The following ACIN1 variants were observed in gnomAD, a reference collection of about 807,000 sequenced individuals.
The protein encoded by ACIN1 is apoptotic chromatin condensation inducer 1, also known as apoptotic chromatin condensation inducer in the nucleus.
Under a neutral mutation model 146.6 loss-of-function variants are expected in ACIN1, and 16 were observed. The observed-to-expected ratio is 0.11, with a 90% CI of 0.07 to 0.17. ACIN1 has a LOEUF of 0.17. Ranked by LOEUF, ACIN1 falls within the 10% of genes least tolerant of loss-of-function variation. The pLI, the probability that ACIN1 is intolerant of heterozygous loss-of-function variation, is 1.00. For synonymous variants in ACIN1, 569 were observed against 582.7 expected (o/e 0.98, Z 0.34); for missense variants, 1,357 against 1,609.3 (o/e 0.84, Z 2.68).
upstream of ACIN1, chr14:23,095,216 T>A: frequency 1.2e-6 from 2 of 1,613,902 alleles, no homozygotes; most frequent in Non-Finnish European, 1.7e-6. Flanking sequence ...ACTGCCATAC[T>A]CTACCCCTCG....
chr14:23,094,221 T>G (rs1354089062), intron 1 of ACIN1, among the ~76,000 whole-genome samples: 1 of 152,094 alleles, frequency 6.6e-6, no homozygotes, highest in Non-Finnish European at 1.5e-5. Context: ...ACCTGCCACG[T>G]ATCCTGTTGA....
In ACIN1 at chr14:23,068,919, A is replaced by T. The variant is rs1030436253; in HGVS notation, c.2265+557T>A. 3.6e-5 allele frequency: 35 copies of T among 985,538 alleles called. No homozygotes were observed. The African/African-American group carries it at 5.2e-4, about 15-fold the overall frequency. The allele number at this position is 985,538 out of a possible 1,614,324, so 61.0% of individuals were successfully genotyped here. On this transcript the variant is annotated intron_variant, in intron 9 of 18. Coordinates refer to ENST00000605057, the MANE Select transcript of ACIN1 (RefSeq NM_001386863.1). The surrounding 1 kb of genome is among the most constrained non-coding windows in gnomAD (Gnocchi z 4.3). ...AAGTGGGTGCAGGACACAAGATAAC[A>T]TATGCCAAAAAAGGAGGTAGAGGGG...
rs760183453 is a variant in ACIN1 at position 23,059,157 on chromosome 14, C to CCCA, written c.3840_3842dup (p.Gly1281dup). On this transcript the variant is annotated inframe_insertion, in exon 19 of 19. Coordinates refer to ENST00000605057, the MANE Select transcript of ACIN1 (RefSeq NM_001386863.1). ...TCTAGTGTTTTCCCAGCTAGCGGCG[C>CCCA]CCACCCCGGTCCCGCACAGGTGTGC... 3 of 1,613,302 alleles carry CCCA rather than the reference C, an allele frequency of 1.9e-6. No homozygotes were observed. Among genetic ancestry groups the CCCA allele is most frequent in the Non-Finnish European group, 2.5e-6 (3 of 1,179,504 alleles).
chr14:23,095,236 C>G (rs765660590), upstream of ACIN1: 20 of 1,611,262 alleles, frequency 1.2e-5, no homozygotes, highest in African/African-American at 2.7e-5. Flanking sequence ...GATTACCACT[C>G]AGAACTCCCC....
chr14:23,080,172 G>A lies in ACIN1; in HGVS notation c.1163C>T (p.Pro388Leu), dbSNP rs753063259. Residue 388 changes from proline to leucine, a missense_variant, in exon 6 of 19, where the codon CCC becomes CTC. Physicochemically the swap from Pro to Leu is moderately conservative, Grantham distance 98 (BLOSUM62 -3). Coordinates refer to ENST00000605057, the MANE Select transcript of ACIN1 (RefSeq NM_001386863.1). ...EEIEPMEGPA[P>L]AVLIQLSPPN... ...AGGAGATAACTGAATGAGGACAGCG[G>A]GGGCTGGGCCTTCCATGGGCTCTAT... is the stretch of plus-strand genomic sequence containing the variant. 2 of 1,614,134 alleles carry A rather than the reference G, an allele frequency of 1.2e-6. No individual in the cohort carries two copies. Among genetic ancestry groups the A allele is most frequent in the South Asian group, 1.1e-5 (1 of 91,078 alleles).
Position 23,061,773 on chromosome 14 carries a change from A to T in ACIN1, c.3100-151T>A, listed in dbSNP as rs556090694. 80 of 683,374 alleles carry T rather than the reference A, an allele frequency of 1.2e-4. No individual in the cohort carries two copies. The East Asian group carries it at 2.0e-3, about 17-fold the overall frequency. 42.3% of individuals were successfully genotyped at this position (683,374 alleles called of 1,614,324 possible). A position where few individuals can be genotyped will look rare whatever the true frequency, so the allele number is the denominator to read the frequency against. ...CAGATCACGAGGTCAGGAGACCGAGACCATCCTGGCTGACACGGTGAAACC... is the reference window on the plus strand; with the variant it reads ...CAGATCACGAGGTCAGGAGACCGAGTCCATCCTGGCTGACACGGTGAAACC... On this transcript the variant is annotated intron_variant, in intron 16 of 18. Transcript: ENST00000605057.
chr14:23,087,532 A>C (rs971526161), intron 4 of ACIN1, among the ~76,000 whole-genome samples: 5 of 151,866 alleles, frequency 3.3e-5, no homozygotes, highest in African/African-American at 1.2e-4. Flanking sequence ...AAGCACTGAA[A>C]AGATTGGCTA....
intron 8 of ACIN1, 25 bp from the exon 9 acceptor site, chr14:23,069,642 G>A (rs757528660): frequency 5.4e-6 from 7 of 1,301,656 alleles, no homozygotes; most frequent in Admixed American, 1.9e-5. Flanking sequence ...GAGTGGTGGT[G>A]GGGGGGCGGG....
At position 23,071,496 on chromosome 14, in the gene ACIN1, G is replaced by C. The variant is rs1279357752; in HGVS notation, c.2124-1879C>G. 1.9e-6 allele frequency: 3 copies of C among 1,551,660 alleles called. No homozygotes were observed. In the South Asian group the frequency reaches 3.6e-5, roughly 18 times the overall value. ...GAAGAGGGCCAGGCTGCTGGTAGTG[G>C]CTGGCTCTATTGTATTGGCGGAGCG... On this transcript the variant is annotated intron_variant, in intron 8 of 18. Coordinates refer to ENST00000605057, the MANE Select transcript of ACIN1 (RefSeq NM_001386863.1).
Position 23,095,005 on chromosome 14 carries a change from C to A in ACIN1, c.108G>T (p.Gln36His). ...LEQRGLAKSG[Q>H]KSALVKRLKG... The stretch of plus-strand genomic sequence containing the variant: ...TGAGCCGCTTGACCAGGGCACTCTT[C>A]TGCCCGCTCTTGGCTAGGCCTCGCT... Residue 36 changes from glutamine (Q) to histidine (H), a missense_variant, in exon 1 of 19, where the codon CAG (glutamine) becomes CAT (histidine). Physicochemically the swap from Gln to His is conservative, Grantham distance 24. This residue lies in a region of ACIN1 where 55 missense variants were observed against 123.9 expected (regional missense o/e 0.44). Transcript: ENST00000605057. 6.2e-7 allele frequency: 1 copy of A among 1,608,738 alleles called. No homozygotes were observed. The highest frequency in any genetic ancestry group is 8.5e-7 in the Non-Finnish European group (1 of 1,179,902).
In ACIN1 at chr14:23,095,098, C is replaced by T. The variant is rs201629977; in HGVS notation, c.15G>A (p.Glu5=). 6 of 1,614,248 alleles carry T rather than the reference C, an allele frequency of 3.7e-6. No individual in the cohort carries two copies. The highest frequency in any genetic ancestry group is 1.1e-5 in the South Asian group (1 of 91,090). Residue 5 remains glutamate (E), a synonymous_variant, in exon 1 of 19, where the codon GAG becomes GAA. Coordinates refer to ENST00000605057, the MANE Select transcript of ACIN1 (RefSeq NM_001386863.1). The stretch of plus-strand genomic sequence containing the variant: ...GAGGCTTCCCGTCCAGAGTCACCTC[C>T]TCCAGCTCCGCCATCTTGCGTGAGG... MAEL[E]EVTLDGKPLQ... is the part of the protein sequence containing the mutation.
At chr14:23,070,135 G>A (rs1594756154) in intron 8 of ACIN1, among the ~76,000 whole-genome samples, 1 of 133,766 alleles carries the variant, frequency 7.5e-6, no homozygotes, top group Non-Finnish European at 1.5e-5. Context: ...TTAATCAACT[G>A]CTTAATAAGT....
Position 23,095,074 on chromosome 14 carries a change from A to T in ACIN1, c.39T>A (p.Pro13=), listed in dbSNP as rs149280118. 1 of 1,614,088 alleles carries T rather than the reference A, an allele frequency of 6.2e-7. No individual in the cohort carries two copies. The highest frequency in any genetic ancestry group is 8.5e-7 in the Non-Finnish European group (1 of 1,180,018). The part of the protein sequence containing the change: ...ELEEVTLDGK[P]LQALRVTDLK... The stretch of plus-strand genomic sequence containing the variant: ...GGTCGGTCACCCGCAGCGCCTGAAG[A>T]GGCTTCCCGTCCAGAGTCACCTCCT... The change falls in exon 1 of 19, where the codon CCT becomes CCA. Residue 13 remains proline, a synonymous_variant. Transcript: ENST00000605057.
chr14:23,085,434 A>T (rs1052081085), intron 4 of ACIN1, among the ~76,000 whole-genome samples: 1 of 152,164 alleles, frequency 6.6e-6, no homozygotes, highest in Non-Finnish European at 1.5e-5. Flanking sequence ...TTATCTACCT[A>T]CTGTGAATTA....
chr14:23,064,445 C>G lies in ACIN1; in HGVS notation c.2352G>C (p.Gly784=), dbSNP rs776771355. ...GVPAGNSDTE[G]GQPGRKRRWG... is the part of the protein sequence containing the mutation. ...AGCGTCGTTTCCGACCAGGCTGGCC[C>G]CCCTCTGTGTCACTGTTTCCAGCTG... Residue 784 remains glycine (G), a synonymous_variant, in exon 11 of 19, where the codon GGG becomes GGC. Coordinates refer to ENST00000605057, the MANE Select transcript of ACIN1 (RefSeq NM_001386863.1). 2 of 1,614,254 alleles carry G rather than the reference C, an allele frequency of 1.2e-6. No individual in the cohort carries two copies. The highest frequency in any genetic ancestry group is 8.5e-7 in the Non-Finnish European group (1 of 1,180,048).
At chr14:23,093,361 C>G (rs2048277290) in intron 2 of ACIN1, 118 bp downstream of exon 2, 3 of 1,041,898 alleles carry the variant, frequency 2.9e-6, no homozygotes, top group South Asian at 1.4e-5. Context: ...ACATTTCTGA[C>G]TAAGAGAACT....
intron 6 of ACIN1, 82 bp downstream of exon 6, chr14:23,079,465 A>G: frequency 6.4e-7 from 1 of 1,552,158 alleles, no homozygotes; most frequent in Non-Finnish European, 8.7e-7. Context: ...TTCAGAAATC[A>G]TGACAGGCTC....
rs1373043011 is a variant in ACIN1 at position 23,081,829 on chromosome 14, G to T, written c.444C>A (p.Ser148Arg). Residue 148 changes from serine (S) to arginine (R), a missense_variant, in exon 5 of 19, where the codon AGC becomes AGA. Physicochemically the swap from Ser to Arg is moderately radical, Grantham distance 110 (BLOSUM62 -1). Coordinates refer to ENST00000605057, the MANE Select transcript of ACIN1 (RefSeq NM_001386863.1). ...LELSRHSPRK[S>R]SSISEEKGDS... ...CACCTTTCTCTTCAGAAATTGAGGA[G>T]CTTTTTCCTATTGAATGAAAAAGAA... 1 of 1,608,618 alleles carries T rather than the reference G, an allele frequency of 6.2e-7. No homozygotes were observed. The highest frequency in any genetic ancestry group is 1.7e-5 in the Admixed American group (1 of 59,138).
chr14:23,064,819 G>A (rs569507736), intron 10 of ACIN1: 7 of 208,560 alleles, frequency 3.4e-5, no homozygotes, highest in Non-Finnish European at 5.8e-5. Context: ...GCTTGAACCC[G>A]GGAGGCGGAG....
Sources: gnomAD v4.1 joint callset for allele counts (sites outside exome capture counted in the v4.1 genomes callset) on GRCh38, gnomAD v4.1.1 for gene constraint, gnomAD v4.1.1 regional missense constraint, Gnocchi (gnomAD v3.1) non-coding constraint, MANE v1.5 for transcripts, NCBI Gene and HGNC (gene_info 2026-07-23, HGNC 2026-07-21) for gene names.